Variants in OPLAH observed in about 807,000 individuals in gnomAD.
OPLAH encodes the protein 5-oxoprolinase, ATP-hydrolysing, also known as 5-oxoprolinase.
Under a neutral mutation model 122.8 loss-of-function variants are expected in OPLAH, and 103 were observed. The ratio of observed to expected loss-of-function variants is 0.84; its 90% CI spans 0.71 to 0.99. The LOEUF (loss-of-function observed/expected upper bound fraction) is 0.99, where lower values mean the gene tolerates loss of function less well. Ranked by LOEUF, OPLAH falls within the 50% of genes least tolerant of loss-of-function variation. The pLI, the probability that OPLAH is intolerant of heterozygous loss-of-function variation, is 0.00. For missense variants in OPLAH, 1,902 were observed against 1,836.5 expected, an observed-to-expected ratio of 1.04 and a Z score of -0.65; for synonymous variants, 875 against 796.0, an observed-to-expected ratio of 1.10 and a Z score of -1.67.
rs1554757781 is a variant in OPLAH at position 144,052,006 on chromosome 8, C to G, written c.3532G>C (p.Asp1178His). 1.9e-6 allele frequency: 3 copies of G among 1,587,798 alleles called. No homozygotes were observed. The highest frequency in any genetic ancestry group is 2.7e-5 in the African/African-American group (2 of 74,130). Residue 1178 changes from aspartate to histidine, a missense_variant, in exon 25 of 27, where the codon GAC becomes CAC. Asp to His is a moderately conservative substitution (Grantham distance 81). Coordinates refer to ENST00000618853, the MANE Select transcript of OPLAH (RefSeq NM_017570.5). Reference sequence around the variant, plus strand: ...AAGAGCAGCTCGCGGGTGACGCCGTCGCCGCCTCGGAAGCGGCCTCTGCCC... The same window carrying G: ...AAGAGCAGCTCGCGGGTGACGCCGTGGCCGCCTCGGAAGCGGCCTCTGCCC... Reference protein sequence around the residue: ...SGGRGRFRGGDGVTRELLFRE... With the variant: ...SGGRGRFRGGHGVTRELLFRE...
In OPLAH at chr8:144,054,663, T is replaced by C; in HGVS notation, c.2584A>G (p.Ile862Val). 6.2e-7 allele frequency: 1 copy of C among 1,612,384 alleles called. No individual in the cohort carries two copies. Among genetic ancestry groups the C allele is most frequent in the Non-Finnish European group, 8.5e-7 (1 of 1,179,722 alleles). ...TGGGGGGGCATGGAGCCTGGTGTGA[T>C]GCCCCCGATGTCTGCGTGGTGCCCT... ...SRGHHADIGG[I>V]TPGSMPPHST... is the part of the protein sequence containing the mutation. Residue 862 changes from isoleucine to valine, a missense_variant, in exon 19 of 27, where the codon ATC becomes GTC. Ile to Val is a conservative substitution (Grantham distance 29, BLOSUM62 3). Around this residue, in one of 3 missense-constraint regions of OPLAH, gnomAD observed 1,726 missense variants for 1,642.1 expected, o/e 1.05. Transcript: ENST00000618853.
At chr8:144,052,389 C>A in intron 23 of OPLAH, 60 bp downstream of exon 23, 1 of 1,520,162 alleles carries the variant, frequency 6.6e-7, no homozygotes, top group Non-Finnish European at 8.8e-7. Flanking sequence ...CGCCCTCCCG[C>A]TCCTACTCCA....
downstream of OPLAH, chr8:144,050,863 G>C: frequency 1.0e-6 from 1 of 992,770 alleles, no homozygotes; most frequent in South Asian, 4.4e-5. Flanking sequence ...GAGGCGGTGA[G>C]TTGCGACCTG....
intron 15 of OPLAH, 21 bp downstream of exon 15, chr8:144,056,126 C>A: frequency 1.3e-6 from 2 of 1,595,918 alleles, no homozygotes; most frequent in South Asian, 2.2e-5. Context: ...CATCCTCCAC[C>A]CTGGCCGGAC....
At chr8:144,054,453 C>T in intron 19 of OPLAH, 108 bp downstream of exon 19, 1 of 1,213,678 alleles carries the variant, frequency 8.2e-7, no homozygotes. Context: ...AGCCTCAAGG[C>T]AGGCCTGGGC....
In OPLAH at chr8:144,053,398, A is replaced by C; in HGVS notation, c.2687-5T>G. 2.5e-6 allele frequency: 4 copies of C among 1,604,526 alleles called. No individual in the cohort carries two copies. Among genetic ancestry groups the C allele is most frequent in the Non-Finnish European group, 3.4e-6 (4 of 1,175,808 alleles). ...CCCGCAGGGCCTCCGTCACCGCTGG[A>C]TGGACAGTGTCATCACTGAGCCCCT... On this transcript the variant is annotated splice_polypyrimidine_tract_variant and splice_region_variant and intron_variant, in intron 19 of 26. Coordinates refer to ENST00000618853, the MANE Select transcript of OPLAH (RefSeq NM_017570.5).
In OPLAH at chr8:144,059,727, T is replaced by G. The variant is rs2129846209; in HGVS notation, c.235A>C (p.Met79Leu). ...GCGTTGGTGGCCACTGTGGTGCCCA[T>G]GCGGATGCTGGCGATATGACTGGAG... ...LDSSHIASIR[M>L]GTTVATNALL... The change falls in exon 3 of 27, where the codon ATG becomes CTG. Residue 79 changes from methionine to leucine, a missense_variant. Met to Leu is a conservative substitution (Grantham distance 15). Around this residue, in one of 3 missense-constraint regions of OPLAH, gnomAD observed 168 missense variants for 170.6 expected, o/e 0.98. Coordinates refer to ENST00000618853, the MANE Select transcript of OPLAH (RefSeq NM_017570.5). The G allele has an allele frequency of 1.9e-6, 3 of 1,611,174 alleles. No individual in the cohort carries two copies. Among genetic ancestry groups the G allele is most frequent in the Middle Eastern group, 1.6e-4 (1 of 6,084 alleles).
At position 144,054,933 on chromosome 8, in the gene OPLAH, G is replaced by A; in HGVS notation, c.2410-20C>T. On this transcript the variant is annotated intron_variant, in intron 17 of 26. Transcript: ENST00000618853. ...CTGAATCTGAAACCAGGAGATGGGTGCAGAGTGGGCACAGGGGAGCAGGGG... is the reference window on the plus strand; with the variant it reads ...CTGAATCTGAAACCAGGAGATGGGTACAGAGTGGGCACAGGGGAGCAGGGG... 2 of 1,519,744 alleles carry A rather than the reference G, an allele frequency of 1.3e-6. No individual in the cohort carries two copies. Among genetic ancestry groups the A allele is most frequent in the Non-Finnish European group, 1.8e-6 (2 of 1,120,398 alleles). The allele number at this position is 1,519,744 out of a possible 1,614,324, so 94.1% of individuals were successfully genotyped here.
In OPLAH at chr8:144,054,593, T is replaced by C. The variant is rs374235442; in HGVS notation, c.2654A>G (p.Lys885Arg). The change falls in exon 19 of 27, where the codon AAA becomes AGA. Residue 885 changes from lysine (K) to arginine (R), a missense_variant. Transcript: ENST00000618853. The part of the protein sequence containing the change: ...QQEGAVFLSF[K>R]LVQGGVFQEE... ...CTGGAAGACGCCCCCCTGGACAAGT[T>C]TGAAGGACAGAAAGACGGCACCCTC... 11 of 1,602,150 alleles carry C rather than the reference T, an allele frequency of 6.9e-6. No homozygotes were observed. Among genetic ancestry groups the C allele is most frequent in the East Asian group, 6.7e-5 (3 of 44,548 alleles).
Position 144,051,393 on chromosome 8 carries a change from G to A in OPLAH, c.3800C>T (p.Pro1267Leu), listed in dbSNP as rs1835370156. The part of the protein sequence containing the change: ...EDPAPPPGSP[P>L]QALAFPEHGS... Reference sequence around the variant, plus strand: ...GTGCTCGGGAAAGGCCAGTGCTTGCGGGGGCGACCCCGGCGGTGGGGCGGG... The same window carrying A: ...GTGCTCGGGAAAGGCCAGTGCTTGCAGGGGCGACCCCGGCGGTGGGGCGGG... The change falls in exon 27 of 27, where the codon CCG becomes CTG. Residue 1267 changes from proline (P) to leucine (L), a missense_variant. Around this residue, in one of 3 missense-constraint regions of OPLAH, gnomAD observed 1,726 missense variants for 1,642.1 expected, o/e 1.05. Transcript: ENST00000618853. The A allele has an allele frequency of 5.0e-6, 8 of 1,602,784 alleles. No homozygotes were observed. Among genetic ancestry groups the A allele is most frequent in the East Asian group, 2.3e-5 (1 of 43,974 alleles).
At chr8:144,059,455 C>A (rs1389677003) in intron 3 of OPLAH, 144 bp downstream of exon 3, 6 of 887,876 alleles carry the variant, frequency 6.8e-6, no homozygotes, top group Non-Finnish European at 1.0e-5. Flanking sequence ...AACTTGGGGT[C>A]CCACTGGGAA....
rs949097874 is a variant in OPLAH, at chr8:144,058,409, G to A, written c.784-5C>T. The stretch of plus-strand genomic sequence containing the variant: ...CATGAACAACACCTGCACATCCTGC[G>A]AGCGGGCAGCAGGCGGGCCATGAGG... On this transcript the variant is annotated splice_polypyrimidine_tract_variant and splice_region_variant and intron_variant, in intron 6 of 26. Coordinates refer to ENST00000618853, the MANE Select transcript of OPLAH (RefSeq NM_017570.5). 7 of 1,588,410 alleles carry A rather than the reference G, an allele frequency of 4.4e-6. No homozygotes were observed. The African/African-American group carries it at 6.7e-5, about 15-fold the overall frequency.
At chr8:144,050,966 C>A (rs1213049249), downstream of OPLAH, 3 of 1,053,658 alleles carry the variant, frequency 2.8e-6, no homozygotes, top group Non-Finnish European at 3.4e-6. Flanking sequence ...AGAAAGGGCG[C>A]CACCTCTACC....
intron 1 of OPLAH, 102 bp downstream of exon 1, chr8:144,060,551 G>A (rs1335011138): frequency 6.5e-6 from 1 of 153,574 alleles, no homozygotes; most frequent in Non-Finnish European, 1.5e-5. Flanking sequence ...GGGGACGCGT[G>A]AGGAGCGGCC....
At chr8:144,061,298 G>A (rs567154077), upstream of OPLAH, among the ~76,000 whole-genome samples, 17 of 152,146 alleles carry the variant, frequency 1.1e-4, no homozygotes, top group Non-Finnish European at 1.8e-4. Flanking sequence ...ACAACACACA[G>A]GTCATAAAAA....
Position 144,053,027 on chromosome 8 carries a change from C to T in OPLAH, c.2974G>A (p.Asp992Asn). The change falls in exon 21 of 27, where the codon GAC becomes AAC. Residue 992 changes from aspartate to asparagine, a missense_variant. By Grantham distance (23) the Asp-to-Asn change is conservative. Around this residue, in one of 3 missense-constraint regions of OPLAH, gnomAD observed 1,726 missense variants for 1,642.1 expected, o/e 1.05. Coordinates refer to ENST00000618853, the MANE Select transcript of OPLAH (RefSeq NM_017570.5). The stretch of plus-strand genomic sequence containing the variant: ...ACACGGAGGCGGATGGGGGAACCGT[C>T]GTCCATGTGGTCTTCCGAGGACACC... ...LEVSSEDHMD[D>N]GSPIRLRVQI... The T allele has an allele frequency of 2.5e-6, 4 of 1,603,228 alleles. No homozygotes were observed. The highest frequency in any genetic ancestry group is 3.4e-6 in the Non-Finnish European group (4 of 1,175,988).
chr8:144,057,047 G>T lies in OPLAH; in HGVS notation c.1607C>A (p.Ser536Tyr). 6.2e-7 allele frequency: 1 copy of T among 1,601,804 alleles called. No homozygotes were observed. Among genetic ancestry groups the T allele is most frequent in the African/African-American group, 1.3e-5 (1 of 74,924 alleles). The change falls in exon 12 of 27, where the codon TCC becomes TAC. Residue 536 changes from serine (S) to tyrosine (Y), a missense_variant. Physicochemically the swap from Ser to Tyr is moderately radical, Grantham distance 144. Around this residue, in one of 3 missense-constraint regions of OPLAH, gnomAD observed 1,726 missense variants for 1,642.1 expected, o/e 1.05. Transcript: ENST00000618853. Reference protein sequence around the residue: ...DVVHEAQEPCSLLYAPETFVQ... With the variant: ...DVVHEAQEPCYLLYAPETFVQ... The stretch of plus-strand genomic sequence containing the variant: ...GAAGGTCTCAGGCGCGTAGAGCAGG[G>T]AGCAGGGTTCCTGTGCCTCATGCAC...
At position 144,055,487 on chromosome 8, in the gene OPLAH, C is replaced by T. The variant is rs1281640399; in HGVS notation, c.2249-298G>A. Among the ~76,000 whole-genome samples, 3 of 152,048 alleles carry T rather than the reference C, an allele frequency of 2.0e-5. No homozygotes were observed. Among genetic ancestry groups the T allele is most frequent in the Non-Finnish European group, 4.4e-5 (3 of 67,990 alleles). ...GGTTCCTAGGCTCTTGACCTCTGGG[C>T]TCCCAGCAAGCCGCTGGCCTGACCC... On this transcript the variant is annotated intron_variant, in intron 16 of 26. Transcript: ENST00000618853. This position sits in a 1 kb window ranked among gnomAD's most constrained non-coding sequence, Gnocchi z 6.5.
chr8:144,061,778 T>G (rs2129866884), upstream of OPLAH, among the ~76,000 whole-genome samples: 1 of 152,268 alleles, frequency 6.6e-6, no homozygotes, highest in South Asian at 2.1e-4. Context: ...ATCCCAGCAC[T>G]TTGGGAGACC....
Sources: gnomAD v4.1 joint callset for allele counts (sites outside exome capture counted in the v4.1 genomes callset) on GRCh38, gnomAD v4.1.1 for gene constraint, gnomAD v4.1.1 regional missense constraint, Gnocchi (gnomAD v3.1) non-coding constraint, MANE v1.5 for transcripts, NCBI Gene and HGNC (gene_info 2026-07-23, HGNC 2026-07-21) for gene names.